DYM: variants seen among roughly 807,000 people sequenced by gnomAD.
The protein encoded by DYM is dyggve-Melchior-Clausen syndrome protein.
DYM carries 78 observed loss-of-function variants against 93.1 expected under a neutral mutation model. The ratio of observed to expected loss-of-function variants is 0.84; its 90% confidence interval spans 0.70 to 1.01. The LOEUF (loss-of-function observed/expected upper bound fraction) is 1.01, where lower values mean the gene tolerates loss of function less well. DYM is among the 50% of genes least tolerant of loss of function. The pLI is 0.00. For missense variants in DYM, 789 were observed against 845.0 expected (o/e 0.93, Z 0.82); for synonymous variants, 321 against 319.7 (o/e 1.00, Z -0.04).
At chr18:49,242,491 A>G (rs2094041536) in intron 13 of DYM, among the ~76,000 whole-genome samples, 1 of 152,202 alleles carries the variant, frequency 6.6e-6, no homozygotes, top group African/African-American at 2.4e-5. Flanking sequence ...TACATTGAAA[A>G]ATAAAGTTTC....
intron 8 of DYM, among the ~76,000 whole-genome samples, chr18:49,288,455 T>C (rs2059806726): frequency 6.6e-6 from 1 of 152,084 alleles, no homozygotes; most frequent in African/African-American, 2.4e-5. Context: ...GCATAACATG[T>C]TTCTGGACAA....
intron 13 of DYM, among the ~76,000 whole-genome samples, chr18:49,210,769 G>C (rs987574968): frequency 6.6e-6 from 1 of 152,160 alleles, no homozygotes; most frequent in African/African-American, 2.4e-5. Context: ...TGATAGTGGG[G>C]GAGGTTGGAG....
Position 49,206,010 on chromosome 18 carries a change from T to TTTTTTTC in DYM, c.1625+3540_1625+3541insGAAAAAA, listed in dbSNP as rs58796756. 1,332 of 172,908 alleles carry TTTTTTTC rather than the reference T, an allele frequency of 7.7e-3. 46 individuals are homozygous for TTTTTTTC. Among genetic ancestry groups the TTTTTTTC allele is most frequent in the African/African-American group, 0.031 (1,270 of 41,106 alleles). 10.7% of individuals were successfully genotyped at this position (172,908 alleles called of 1,614,324 possible). A position where few individuals can be genotyped will look rare whatever the true frequency, so the allele number is the denominator to read the frequency against. Reference sequence around the variant, plus strand: ...AGGTAGAGTTTTTTTTTTGTTTTTTTGTTTTTTGCGGAGTCTTGCTCTGTG... The same window carrying TTTTTTTC: ...AGGTAGAGTTTTTTTTTTGTTTTTTTTTTTTTCGTTTTTTGCGGAGTCTTGCTCTGTG... On this transcript the variant is annotated intron_variant, in intron 14 of 17. Transcript: ENST00000675505.
At chr18:49,222,485 C>G (rs1379076479) in intron 13 of DYM, among the ~76,000 whole-genome samples, 1 of 151,960 alleles carries the variant, frequency 6.6e-6, no homozygotes, top group African/African-American at 2.4e-5. Flanking sequence ...AGGAAACTGT[C>G]AAAGATAAAT....
chr18:49,425,373 C>T (rs1489066805), intron 2 of DYM, among the ~76,000 whole-genome samples: 1 of 152,154 alleles, frequency 6.6e-6, no homozygotes, highest in Non-Finnish European at 1.5e-5. Flanking sequence ...CCCTTCCTCA[C>T]ACCTCATACA....
chr18:49,439,386 C>T (rs1377858291), intron 1 of DYM, among the ~76,000 whole-genome samples: 2 of 152,140 alleles, frequency 1.3e-5, no homozygotes, highest in African/African-American at 4.8e-5. Context: ...CCTGTTACCC[C>T]TTAAAACTCT....
At chr18:49,208,182 CAAAAAAAA>C (rs138264681) in intron 14 of DYM, among the ~76,000 whole-genome samples, 7 of 58,304 alleles carry the variant, frequency 1.2e-4, no homozygotes, top group African/African-American at 3.0e-4. Context: ...GACTCCATCT[CAAAAAAAA>C]AAAAAAAAAA....
intron 17 of DYM, among the ~76,000 whole-genome samples, chr18:49,072,140 C>T (rs2076941918): frequency 6.6e-6 from 1 of 152,222 alleles, no homozygotes; most frequent in Admixed American, 6.5e-5. Flanking sequence ...AACTAGATTA[C>T]ATACTTTGTA....
At chr18:49,281,194 A>C (rs1463737934) in intron 10 of DYM, among the ~76,000 whole-genome samples, 2 of 152,274 alleles carry the variant, frequency 1.3e-5, no homozygotes, top group African/African-American at 2.4e-5. Context: ...CAAAAGACAC[A>C]TGAAAAAATG....
intron 16 of DYM, among the ~76,000 whole-genome samples, chr18:49,106,214 G>C (rs529628327): frequency 1.3e-5 from 2 of 152,104 alleles, no homozygotes. Context: ...TGTTTTATCA[G>C]AGACTAGGAT....
intron 8 of DYM, among the ~76,000 whole-genome samples, chr18:49,287,612 C>T (rs917745103): frequency 6.6e-5 from 10 of 151,886 alleles, no homozygotes; most frequent in Non-Finnish European, 1.3e-4. Context: ...AGGCCTGGCA[C>T]GGTGGCTCAC....
intron 17 of DYM, among the ~76,000 whole-genome samples, chr18:49,057,798 G>A (rs1379919303): frequency 2.6e-5 from 4 of 152,250 alleles, no homozygotes; most frequent in African/African-American, 9.6e-5. Context: ...TGGTATCATG[G>A]AGGGAAAATT....
At chr18:49,279,695 C>G (rs1373710290) in intron 10 of DYM, among the ~76,000 whole-genome samples, 2 of 152,134 alleles carry the variant, frequency 1.3e-5, no homozygotes, top group Non-Finnish European at 2.9e-5. Context: ...CAACGTTTCC[C>G]TTAGAATACA....
At chr18:49,065,904 G>A (rs1473390314) in intron 17 of DYM, among the ~76,000 whole-genome samples, 4 of 152,066 alleles carry the variant, frequency 2.6e-5, no homozygotes, top group Middle Eastern at 3.4e-3. Flanking sequence ...GAAAGAGGGA[G>A]AATAATTTTC....
At chr18:49,218,150 GA>G (rs1288882344) in intron 13 of DYM, among the ~76,000 whole-genome samples, 3 of 152,180 alleles carry the variant, frequency 2.0e-5, no homozygotes, top group African/African-American at 7.2e-5. Flanking sequence ...GGTCAAAAGA[GA>G]GAAAGAAGGC....
rs1393771623 is a variant in DYM at position 49,369,691 on chromosome 18, C to A, written c.422-6458G>T. Reference sequence around the variant, plus strand: ...TATTGGAGTTCCAGGAGAAAGCAAACATGCATGTTTAATCTACTATGCTTG... The same window carrying A: ...TATTGGAGTTCCAGGAGAAAGCAAAAATGCATGTTTAATCTACTATGCTTG... On this transcript the variant is annotated intron_variant, in intron 5 of 17. Transcript: ENST00000675505. Among the ~76,000 whole-genome samples the A allele has an allele frequency of 4.6e-5, 7 of 152,312 alleles. No individual in the cohort carries two copies. The South Asian group carries it at 1.4e-3, about 32-fold the overall frequency.
intron 17 of DYM, among the ~76,000 whole-genome samples, chr18:49,085,683 C>A (rs963326599): frequency 7.0e-6 from 1 of 143,108 alleles, no homozygotes; most frequent in African/African-American, 2.6e-5. Context: ...TCTCAGCTCA[C>A]TGCAACCTCT....
chr18:49,322,291 G>A (rs2062546539), intron 8 of DYM, among the ~76,000 whole-genome samples: 1 of 152,038 alleles, frequency 6.6e-6, no homozygotes. Flanking sequence ...CAGTACTTGT[G>A]GTGGAAAGTG....
intron 13 of DYM, among the ~76,000 whole-genome samples, chr18:49,245,763 C>A (rs1026361958): frequency 7.2e-5 from 11 of 152,148 alleles, no homozygotes; most frequent in African/African-American, 2.7e-4. Flanking sequence ...TGTTCGTACA[C>A]CCCCTCCCCT....
Sources: gnomAD v4.1 joint callset for allele counts (sites outside exome capture counted in the v4.1 genomes callset) on GRCh38, gnomAD v4.1.1 for gene constraint, MANE v1.5 for transcripts, NCBI Gene and HGNC (gene_info 2026-07-23, HGNC 2026-07-21) for gene names.